KCNK13: variants seen among roughly 807,000 people sequenced by gnomAD.
KCNK13 encodes potassium channel subfamily K member 13.
In KCNK13, 12 loss-of-function variants were observed where a neutral mutation model predicts 23.4. The observed-to-expected ratio is 0.51, with a 90% CI of 0.33 to 0.83. The LOEUF is 0.83. Among genes scored for constraint, KCNK13 ranks in the 40% least tolerant of loss-of-function variants. The pLI, the probability that KCNK13 is intolerant of heterozygous loss-of-function variation, is 0.02. For synonymous variants in KCNK13, 231 were observed against 229.5 expected (o/e 1.01, Z -0.06); for missense variants, 463 against 556.3 (o/e 0.83, Z 1.69).
intron 1 of KCNK13, among the ~76,000 whole-genome samples, chr14:90,175,464 C>A (rs28514651): frequency 0.011 from 1,676 of 152,278 alleles, 33 homozygotes; most frequent in African/African-American, 0.038. Context: ...CCTTAAAAAT[C>A]AAACAGGTTC....
intron 1 of KCNK13, among the ~76,000 whole-genome samples, chr14:90,173,016 A>G (rs1427073960): frequency 6.6e-6 from 1 of 152,210 alleles, no homozygotes; most frequent in African/African-American, 2.4e-5. Context: ...CAATATTTCT[A>G]TGTCACCTAG....
Position 90,185,152 on chromosome 14 carries a change from G to T in KCNK13, c.*149G>T. The T allele has an allele frequency of 1.5e-6, 1 of 655,372 alleles. No individual in the cohort carries two copies. The highest frequency in any genetic ancestry group is 2.4e-6 in the Non-Finnish European group (1 of 413,510). 40.6% of individuals were successfully genotyped at this position (655,372 alleles called of 1,614,324 possible). ...AAGCATCTTTAGAAATCTGATCTCG[G>T]CTCCAACCAACAGCCACCTTCCAGG... On this transcript the variant is annotated 3_prime_UTR_variant, in exon 2 of 2. Transcript: ENST00000282146.
rs78440417 is a variant in KCNK13, at chr14:90,134,355, C to A, written c.335-49756C>A. 1.6e-3 allele frequency among the ~76,000 whole-genome samples: 241 copies of A among 152,250 alleles called. 1 individual carries two copies. Among genetic ancestry groups the A allele is most frequent in the African/African-American group, 5.5e-3 (227 of 41,554 alleles). On this transcript the variant is annotated intron_variant, in intron 1 of 1. Transcript: ENST00000282146. ...TAGAAATAAACACTATTTTCTTGTA[C>A]GCAGAGGTAACACTTCTCAACTTTT...
At chr14:90,181,107 G>A (rs539787694) in intron 1 of KCNK13, among the ~76,000 whole-genome samples, 8 of 152,152 alleles carry the variant, frequency 5.3e-5, no homozygotes, top group East Asian at 1.9e-4. Context: ...CGCCCACCTC[G>A]GCCTCCCAAA....
At chr14:90,115,238 G>A (rs1000355155) in intron 1 of KCNK13, among the ~76,000 whole-genome samples, 1 of 152,156 alleles carries the variant, frequency 6.6e-6, no homozygotes, top group South Asian at 2.1e-4. Context: ...ACCCCAGAGC[G>A]ACTGAGTGTG....
chr14:90,177,575 C>T (rs1286661776), intron 1 of KCNK13, among the ~76,000 whole-genome samples: 3 of 152,034 alleles, frequency 2.0e-5, no homozygotes. Flanking sequence ...TTGGGCTGGT[C>T]AGTGGTATAT....
chr14:90,171,450 C>A (rs1276368098), intron 1 of KCNK13, among the ~76,000 whole-genome samples: 1 of 152,144 alleles, frequency 6.6e-6, no homozygotes, highest in Non-Finnish European at 1.5e-5. Flanking sequence ...TGATTGTGGA[C>A]CCTGAACATG....
chr14:90,171,670 G>A lies in KCNK13; in HGVS notation c.335-12441G>A, dbSNP rs191087457. 7.3e-4 allele frequency among the ~76,000 whole-genome samples: 111 copies of A among 152,310 alleles called. 4 individuals carry two copies. In the East Asian group the frequency reaches 0.015, roughly 21 times the overall value. The stretch of plus-strand genomic sequence containing the variant: ...AGCAAAGGCAGGAAGAATGGAAGTG[G>A]GGAGGGAGCTTCCAAGTCATAGGTA... On this transcript the variant is annotated intron_variant, in intron 1 of 1. Coordinates refer to ENST00000282146, the MANE Select transcript of KCNK13 (RefSeq NM_022054.4).
At chr14:90,097,861 C>A (rs1278240632) in intron 1 of KCNK13, among the ~76,000 whole-genome samples, 1 of 152,150 alleles carries the variant, frequency 6.6e-6, no homozygotes, top group Non-Finnish European at 1.5e-5. Context: ...TATCTCTCAT[C>A]CAGTTATTAG....
chr14:90,142,213 C>G (rs1596796262), intron 1 of KCNK13, among the ~76,000 whole-genome samples: 1 of 149,456 alleles, frequency 6.7e-6, no homozygotes, highest in East Asian at 2.0e-4. Context: ...AATATATGTT[C>G]TTTTTTGATT....
chr14:90,074,174 T>C (rs1746351), intron 1 of KCNK13, among the ~76,000 whole-genome samples: 95,961 of 151,726 alleles, frequency 0.63, 31,443 homozygotes, highest in African/African-American at 0.79. Flanking sequence ...GTCACCATAT[T>C]GGCCAGGCTG....
intron 1 of KCNK13, among the ~76,000 whole-genome samples, chr14:90,099,346 T>TCA (rs1889448436): frequency 6.6e-6 from 1 of 152,154 alleles, no homozygotes; most frequent in Non-Finnish European, 1.5e-5. Flanking sequence ...ATGGAACTCT[T>TCA]CACCTTTATT....
intron 1 of KCNK13, among the ~76,000 whole-genome samples, chr14:90,137,584 G>A (rs1243438814): frequency 2.0e-5 from 3 of 152,128 alleles, no homozygotes; most frequent in African/African-American, 7.2e-5. Flanking sequence ...GCCTCCCAAA[G>A]TGCTAGGATT....
chr14:90,127,906 T>G (rs1796334910), intron 1 of KCNK13, among the ~76,000 whole-genome samples: 1 of 151,886 alleles, frequency 6.6e-6, no homozygotes, highest in Admixed American at 6.6e-5. Context: ...CTGAGTGTAC[T>G]TTTGGGAAAT....
intron 1 of KCNK13, among the ~76,000 whole-genome samples, chr14:90,080,793 A>T (rs899305296): frequency 6.6e-6 from 1 of 152,174 alleles, no homozygotes; most frequent in African/African-American, 2.4e-5. Flanking sequence ...CTAAATAGCT[A>T]ACCGGCCCAT....
intron 1 of KCNK13, among the ~76,000 whole-genome samples, chr14:90,118,745 T>C (rs1889704724): frequency 6.6e-6 from 1 of 152,168 alleles, no homozygotes; most frequent in African/African-American, 2.4e-5. Context: ...TTTCCCTGCA[T>C]CCTGGCCAAC....
At chr14:90,159,248 C>T (rs982879004) in intron 1 of KCNK13, among the ~76,000 whole-genome samples, 2 of 152,166 alleles carry the variant, frequency 1.3e-5, no homozygotes, top group Admixed American at 1.3e-4. Flanking sequence ...GCCCCACCTC[C>T]CAACACTGTT....
rs541694553 is a variant in KCNK13 at position 90,076,997 on chromosome 14, T to A, written c.334+14458T>A. Among the ~76,000 whole-genome samples, 3 of 152,026 alleles carry A rather than the reference T, an allele frequency of 2.0e-5. No homozygotes were observed. The East Asian group carries it at 5.8e-4, about 29-fold the overall frequency. On this transcript the variant is annotated intron_variant, in intron 1 of 1. Transcript: ENST00000282146. ...ACCACACCTGGCTAATTTTTTGTAT[T>A]TTTAGTAGAGACGGGGTTTCACCAT...
intron 1 of KCNK13, among the ~76,000 whole-genome samples, chr14:90,102,010 A>G (rs1468239235): frequency 1.3e-5 from 2 of 151,502 alleles, no homozygotes; most frequent in Non-Finnish European, 2.9e-5. Flanking sequence ...CAGCCTCCCA[A>G]GTAGCTGGGA....
Sources: gnomAD v4.1 joint callset for allele counts (sites outside exome capture counted in the v4.1 genomes callset) on GRCh38, gnomAD v4.1.1 for gene constraint, MANE v1.5 for transcripts, NCBI Gene and HGNC (gene_info 2026-07-23, HGNC 2026-07-21) for gene names.